Variants in PRLR observed in about 807,000 individuals in gnomAD.
PRLR encodes the protein hPRL receptor.
In PRLR, 13 loss-of-function variants were observed where a neutral mutation model predicts 40.2. The ratio of observed to expected loss-of-function variants is 0.32; its 90% CI spans 0.21 to 0.51. The LOEUF (loss-of-function observed/expected upper bound fraction) is 0.51. Among genes scored for constraint, PRLR ranks in the 20% least tolerant of loss-of-function variants. The probability of loss-of-function intolerance (pLI) is 0.97; values close to 1 mark genes in which losing one functional copy is unlikely to be tolerated. For missense variants in PRLR, 656 were observed against 747.3 expected (o/e 0.88, Z 1.42); for synonymous variants, 269 against 278.7 (o/e 0.97, Z 0.35).
At chr5:35,173,279 C>T (rs898740399) in intron 1 of PRLR, among the ~76,000 whole-genome samples, 1 of 152,204 alleles carries the variant, frequency 6.6e-6, no homozygotes, top group African/African-American at 2.4e-5. Context: ...TTCATTTTTA[C>T]AAGAGCCTCT....
At chr5:35,083,645 G>A (rs1770669517) in intron 5 of PRLR, among the ~76,000 whole-genome samples, 1 of 151,140 alleles carries the variant, frequency 6.6e-6, no homozygotes, top group Non-Finnish European at 1.5e-5. Context: ...TCAGCCTCCT[G>A]AGTAGCTGGG....
At chr5:35,135,160 T>C (rs971427206) in intron 1 of PRLR, 1 of 151,944 alleles carries the variant, frequency 6.6e-6, no homozygotes, top group Non-Finnish European at 1.5e-5. Context: ...AAATACTTCT[T>C]TATCATTCAG....
At chr5:35,166,850 T>C (rs1012276281) in intron 1 of PRLR, among the ~76,000 whole-genome samples, 1 of 152,172 alleles carries the variant, frequency 6.6e-6, no homozygotes, top group African/African-American at 2.4e-5. Context: ...ATTATATTGC[T>C]TTTTAATAGT....
chr5:35,104,197 A>G (rs868426246), intron 2 of PRLR, among the ~76,000 whole-genome samples: 1 of 152,194 alleles, frequency 6.6e-6, no homozygotes, highest in South Asian at 2.1e-4. Context: ...CCCTCCGTCC[A>G]CATGTAGGGC....
At chr5:35,170,066 T>C (rs1774954315) in intron 1 of PRLR, among the ~76,000 whole-genome samples, 2 of 152,212 alleles carry the variant, frequency 1.3e-5, no homozygotes, top group Admixed American at 6.5e-5. Flanking sequence ...TGGAGGTTTA[T>C]AAAAATGCAA....
intron 1 of PRLR, among the ~76,000 whole-genome samples, chr5:35,148,738 A>G (rs1237228918): frequency 6.6e-6 from 1 of 152,176 alleles, no homozygotes; most frequent in Non-Finnish European, 1.5e-5. Context: ...GCCATTTATA[A>G]TAGTTCAAAT....
At chr5:35,226,584 C>T (rs1776558649) in intron 1 of PRLR, among the ~76,000 whole-genome samples, 1 of 152,208 alleles carries the variant, frequency 6.6e-6, no homozygotes, top group African/African-American at 2.4e-5. Context: ...TAAGAACTTT[C>T]TCTTGAGAGT....
rs35934860 is a variant in PRLR at position 35,153,717 on chromosome 5, T to TACACACAC, written c.-105-35603_-105-35596dup. ...CTCTGCCAACTGTTCCCCACCATTG[T>TACACACAC]ACACACACACACACACACACACTGC... On this transcript the variant is annotated intron_variant, in intron 1 of 9. Coordinates refer to ENST00000618457, the MANE Select transcript of PRLR (RefSeq NM_000949.7). Among the ~76,000 whole-genome samples the TACACACAC allele has an allele frequency of 2.1e-5, 3 of 143,392 alleles. No homozygotes were observed. The East Asian group carries it at 5.9e-4, about 28-fold the overall frequency. The allele number at this position is 143,392 out of a possible 152,430, so 94.1% of individuals were successfully genotyped here.
rs1313753035 is a variant in PRLR, at chr5:35,056,678, T to A, written c.*8411A>T. 1.3e-5 allele frequency: 2 copies of A among 152,200 alleles called. No homozygotes were observed. Among genetic ancestry groups the A allele is most frequent in the African/African-American group, 4.8e-5 (2 of 41,460 alleles). 9.4% of individuals were successfully genotyped at this position (152,200 alleles called of 1,614,324 possible). On this transcript the variant is annotated 3_prime_UTR_variant, in exon 10 of 10. Coordinates refer to ENST00000618457, the MANE Select transcript of PRLR (RefSeq NM_000949.7). ...TACATATTACTTCTCCAGCTCATCA[T>A]TAATTGTATAGAACCTGTGTCTGGT...
At chr5:35,103,914 C>A (rs1426653771) in intron 2 of PRLR, among the ~76,000 whole-genome samples, 1 of 152,002 alleles carries the variant, frequency 6.6e-6, no homozygotes, top group Non-Finnish European at 1.5e-5. Flanking sequence ...TTTTGAATGT[C>A]TTTGATTGCC....
intron 1 of PRLR, among the ~76,000 whole-genome samples, chr5:35,131,510 A>C (rs1773674156): frequency 6.6e-6 from 1 of 152,124 alleles, no homozygotes; most frequent in Non-Finnish European, 1.5e-5. Flanking sequence ...CAGTTTATAA[A>C]ACATTTTCAC....
chr5:35,199,426 G>A (rs1172290719), intron 1 of PRLR, among the ~76,000 whole-genome samples: 1 of 152,170 alleles, frequency 6.6e-6, no homozygotes, highest in Non-Finnish European at 1.5e-5. Flanking sequence ...CTACATGGCT[G>A]AGAATATTAA....
intron 1 of PRLR, among the ~76,000 whole-genome samples, chr5:35,190,772 C>T (rs957057469): frequency 1.1e-4 from 17 of 152,322 alleles, no homozygotes; most frequent in African/African-American, 3.1e-4. Context: ...TATTCTGCTG[C>T]ACTGTGCTAG....
At chr5:35,155,939 G>A (rs576585845) in intron 1 of PRLR, among the ~76,000 whole-genome samples, 29 of 152,116 alleles carry the variant, frequency 1.9e-4, no homozygotes, top group Non-Finnish European at 4.0e-4. Flanking sequence ...TTTACAGATT[G>A]TTTGCATGGG....
chr5:35,070,126 C>G lies in PRLR; in HGVS notation c.683G>C (p.Ser228Thr). Residue 228 changes from serine to threonine, a missense_variant and splice_region_variant, in exon 7 of 10, where the codon AGT becomes ACT. Physicochemically the swap from Ser to Thr is moderately conservative, Grantham distance 58 (BLOSUM62 1). Transcript: ENST00000618457. Reference sequence around the variant, plus strand: ...CAAAAAAGAGCCAAGACGCTCACCACTAGGTATCTGAATGAAGGTCGCTGG... The same window carrying G: ...CAAAAAAGAGCCAAGACGCTCACCAGTAGGTATCTGAATGAAGGTCGCTGG... Reference protein sequence around the residue: ...WSPATFIQIPSDFTMNDTTVW... With the variant: ...WSPATFIQIPTDFTMNDTTVW... 6.2e-7 allele frequency: 1 copy of G among 1,608,232 alleles called. No individual in the cohort carries two copies. Among genetic ancestry groups the G allele is most frequent in the Non-Finnish European group, 8.5e-7 (1 of 1,178,762 alleles).
intron 1 of PRLR, among the ~76,000 whole-genome samples, chr5:35,208,242 A>G (rs1258206396): frequency 2.0e-5 from 3 of 151,926 alleles, no homozygotes; most frequent in Non-Finnish European, 4.4e-5. Context: ...AACATTTAGG[A>G]CACTGAACAA....
intron 1 of PRLR, among the ~76,000 whole-genome samples, chr5:35,229,171 A>G (rs115010099): frequency 0.036 from 5,325 of 149,628 alleles, 342 homozygotes; most frequent in African/African-American, 0.12. Flanking sequence ...AACTTTGCAG[A>G]AAAAAAATCG....
At chr5:35,197,956 C>T (rs1178732213) in intron 1 of PRLR, among the ~76,000 whole-genome samples, 1 of 152,254 alleles carries the variant, frequency 6.6e-6, no homozygotes, top group African/African-American at 2.4e-5. Context: ...AAAACCGCCT[C>T]TGATGGCTGT....
intron 1 of PRLR, among the ~76,000 whole-genome samples, chr5:35,129,415 T>C (rs1773580936): frequency 6.6e-6 from 1 of 152,202 alleles, no homozygotes; most frequent in Admixed American, 6.5e-5. Flanking sequence ...CCTTAAGGTA[T>C]TGGCCAGATG....
Sources: allele counts gnomAD v4.1 joint callset (sites outside exome capture counted in the v4.1 genomes callset), GRCh38; gene constraint gnomAD v4.1.1; transcripts MANE v1.5; gene names NCBI Gene and HGNC (gene_info 2026-07-23, HGNC 2026-07-21).